GALNT13: variants seen among roughly 807,000 people sequenced by gnomAD.
The protein encoded by GALNT13 is UDP-GalNAc:polypeptide N-acetylgalactosaminyltransferase 13.
A neutral mutation model predicts 64.2 loss-of-function variants in GALNT13; 28 were observed. The observed-to-expected ratio is 0.44, with a 90% CI of 0.32 to 0.60. GALNT13 has a LOEUF of 0.60. Ranked by LOEUF, GALNT13 falls within the 20% of genes least tolerant of loss-of-function variation. The pLI, the probability that GALNT13 is intolerant of heterozygous loss-of-function variation, is 0.05. For missense variants in GALNT13, 577 were observed against 669.8 expected (o/e 0.86, Z 1.53); for synonymous variants, 214 against 224.6 (o/e 0.95, Z 0.42).
the GALNT13 span, among the ~76,000 whole-genome samples, chr2:153,338,586 C>T: frequency 6.6e-6 from 1 of 152,154 alleles, no homozygotes; most frequent in Non-Finnish European, 1.5e-5. Context: ...GGCTACTTAA[C>T]ATATGCATTA....
At chr2:153,162,547 G>A in the GALNT13 span, among the ~76,000 whole-genome samples, 2 of 152,214 alleles carry the variant, frequency 1.3e-5, no homozygotes, top group Non-Finnish European at 2.9e-5. Context: ...CAAGAAGTCA[G>A]CCCCCCTGGG....
At chr2:153,690,765 C>T in the GALNT13 span, among the ~76,000 whole-genome samples, 1 of 152,036 alleles carries the variant, frequency 6.6e-6, no homozygotes, top group African/African-American at 2.4e-5. Flanking sequence ...ACAAATATTC[C>T]CCTAAAAAAG....
At chr2:153,313,276 A>G in the GALNT13 span, among the ~76,000 whole-genome samples, 1 of 152,252 alleles carries the variant, frequency 6.6e-6, no homozygotes, top group Non-Finnish European at 1.5e-5. Context: ...TATTCACAAT[A>G]GCAAACACAT....
intron 8 of GALNT13, among the ~76,000 whole-genome samples, chr2:154,278,698 A>G (rs1204584941): frequency 6.6e-6 from 1 of 152,158 alleles, no homozygotes; most frequent in Non-Finnish European, 1.5e-5. Flanking sequence ...GAAGTCAGGA[A>G]GTAGGAATAA....
intron 9 of GALNT13, among the ~76,000 whole-genome samples, chr2:154,311,599 T>C (rs1694044132): frequency 1.3e-5 from 2 of 152,166 alleles, no homozygotes; most frequent in Admixed American, 1.3e-4. Context: ...GGCACCATTG[T>C]CATTGATAAC....
the GALNT13 span, among the ~76,000 whole-genome samples, chr2:153,435,101 T>G: frequency 1.9e-3 from 286 of 152,296 alleles, 3 homozygotes; most frequent in African/African-American, 6.3e-3. Flanking sequence ...TTTCCCCATT[T>G]CTTGTTTTTG....
At chr2:153,618,402 C>CT in the GALNT13 span, among the ~76,000 whole-genome samples, 130 of 151,208 alleles carry the variant, frequency 8.6e-4, 3 homozygotes, top group East Asian at 0.018. Flanking sequence ...ACATTATTTC[C>CT]TTTTTTTTAA....
At chr2:153,892,690 AAAAC>A (rs1369507188) in intron 1 of GALNT13, among the ~76,000 whole-genome samples, 5 of 152,066 alleles carry the variant, frequency 3.3e-5, no homozygotes, top group African/African-American at 1.2e-4. Context: ...CACATTACTA[AAAAC>A]AAACTACTAA....
At chr2:153,944,718 C>T in intron 3 of GALNT13, 79 bp downstream of exon 3, 1 of 1,291,224 alleles carries the variant, frequency 7.7e-7, no homozygotes, top group Non-Finnish European at 1.1e-6. Context: ...ACTTCAGAAT[C>T]AGAAGAGTTT....
intron 4 of GALNT13, among the ~76,000 whole-genome samples, chr2:154,147,819 G>A (rs1683709655): frequency 6.6e-6 from 1 of 150,750 alleles, no homozygotes; most frequent in Admixed American, 6.6e-5. Flanking sequence ...AGTTATGTAG[G>A]CCTGAAAGGG....
the GALNT13 span, among the ~76,000 whole-genome samples, chr2:153,191,571 C>T: frequency 6.6e-6 from 1 of 152,138 alleles, no homozygotes; most frequent in Admixed American, 6.5e-5. Flanking sequence ...TAGGTTAATG[C>T]TGGTTTCATA....
At chr2:153,084,006 C>T in the GALNT13 span, among the ~76,000 whole-genome samples, 2 of 152,240 alleles carry the variant, frequency 1.3e-5, no homozygotes, top group South Asian at 2.1e-4. Context: ...TGTTTCTCCA[C>T]TTTATGTTTT....
chr2:153,411,156 T>C, the GALNT13 span, among the ~76,000 whole-genome samples: 58 of 102,856 alleles, frequency 5.6e-4, no homozygotes, highest in African/African-American at 1.8e-3. Context: ...GTACATGGCA[T>C]ATATGTATAT....
At chr2:153,752,843 T>C in the GALNT13 span, among the ~76,000 whole-genome samples, 1 of 152,176 alleles carries the variant, frequency 6.6e-6, no homozygotes, top group African/African-American at 2.4e-5. Context: ...TGTACCTGTA[T>C]CTCTTTCTCT....
the GALNT13 span, among the ~76,000 whole-genome samples, chr2:153,574,661 A>G: frequency 4.0e-5 from 6 of 151,414 alleles, no homozygotes; most frequent in Non-Finnish European, 8.8e-5. Context: ...CAGTATGCCA[A>G]TTGCATTCTT....
chr2:154,036,751 C>A (rs1169266526), intron 3 of GALNT13, among the ~76,000 whole-genome samples: 1 of 152,060 alleles, frequency 6.6e-6, no homozygotes, highest in Non-Finnish European at 1.5e-5. Flanking sequence ...TGGGAAGGAA[C>A]AAAATCCTGT....
the GALNT13 span, among the ~76,000 whole-genome samples, chr2:153,483,410 C>CTTTTT: frequency 1.9e-3 from 138 of 71,692 alleles, no homozygotes; most frequent in Admixed American, 4.4e-3. Context: ...GAATAAAATT[C>CTTTTT]TTTTTTTTTT....
the GALNT13 span, among the ~76,000 whole-genome samples, chr2:153,162,069 T>C: frequency 1.3e-5 from 2 of 152,124 alleles, no homozygotes; most frequent in Admixed American, 6.6e-5. Flanking sequence ...TAGGCATGAA[T>C]CTTTGACATG....
intron 9 of GALNT13, among the ~76,000 whole-genome samples, chr2:154,386,731 T>G (rs1034688337): frequency 1.3e-5 from 2 of 152,126 alleles, no homozygotes; most frequent in Non-Finnish European, 2.9e-5. Flanking sequence ...TTTGTCTCAA[T>G]GGATATCAAA....
Sources: allele counts gnomAD v4.1 joint callset (sites outside exome capture counted in the v4.1 genomes callset), GRCh38; gene constraint gnomAD v4.1.1; transcripts MANE v1.5; gene names NCBI Gene and HGNC (gene_info 2026-07-23, HGNC 2026-07-21).